Variants in TMPRSS11F observed in about 807,000 individuals in gnomAD.
The protein encoded by TMPRSS11F is transmembrane protease serine 11F.
In TMPRSS11F, 47 loss-of-function variants were observed where a neutral mutation model predicts 60.2. The observed-to-expected ratio is 0.78, with a 90% CI of 0.62 to 1.00. The LOEUF (loss-of-function observed/expected upper bound fraction) is 1.00. Ranked by LOEUF, TMPRSS11F falls within the 50% of genes least tolerant of loss-of-function variation. The probability of loss-of-function intolerance (pLI) is 0.00; values close to 1 mark genes in which losing one functional copy is unlikely to be tolerated. For synonymous variants in TMPRSS11F, 166 were observed against 167.3 expected (o/e 0.99, Z 0.06); for missense variants, 519 against 522.9 (o/e 0.99, Z 0.07).
chr4:68,116,035 TA>T (rs999534192), intron 1 of TMPRSS11F, among the ~76,000 whole-genome samples: 2 of 152,152 alleles, frequency 1.3e-5, no homozygotes, highest in African/African-American at 2.4e-5. Context: ...TTGGCTTTTC[TA>T]GGTCATTTGC....
intron 9 of TMPRSS11F, among the ~76,000 whole-genome samples, chr4:68,055,222 T>C (rs1035983450): frequency 6.6e-6 from 1 of 152,196 alleles, no homozygotes; most frequent in East Asian, 1.9e-4. Context: ...CTCATAGGTC[T>C]TGTTTAGAAG....
At chr4:68,069,900 C>A in intron 6 of TMPRSS11F, 69 bp downstream of exon 6, 1 of 1,376,512 alleles carries the variant, frequency 7.3e-7, no homozygotes, top group Non-Finnish European at 9.8e-7. Flanking sequence ...TTACTGCCAA[C>A]TTTTCTATAA....
intron 1 of TMPRSS11F, among the ~76,000 whole-genome samples, chr4:68,107,667 C>T (rs1430880123): frequency 6.6e-6 from 1 of 152,036 alleles, no homozygotes; most frequent in Non-Finnish European, 1.5e-5. Context: ...CAGCAGGCCA[C>T]AATAAGAACC....
In TMPRSS11F at chr4:68,115,289, G is replaced by A. The variant is rs533233624; in HGVS notation, c.11+14521C>T. Among the ~76,000 whole-genome samples, 406 of 149,354 alleles carry A rather than the reference G, an allele frequency of 2.7e-3. 4 individuals are homozygous for A. Among genetic ancestry groups the A allele is most frequent in the African/African-American group, 9.1e-3 (368 of 40,650 alleles). On this transcript the variant is annotated intron_variant, in intron 1 of 9. Transcript: ENST00000356291. ...GGAGAATGGTGTGAACCCAGGAGGC[G>A]GAGCTGGCAGCAAGCCGAGATCGCA...
chr4:68,101,565 T>G (rs898010837), intron 1 of TMPRSS11F, among the ~76,000 whole-genome samples: 1 of 152,150 alleles, frequency 6.6e-6, no homozygotes, highest in African/African-American at 2.4e-5. Context: ...AAAAGATTAT[T>G]TAGATGACAT....
At chr4:68,082,051 C>T (rs980704944) in intron 3 of TMPRSS11F, among the ~76,000 whole-genome samples, 1 of 152,068 alleles carries the variant, frequency 6.6e-6, no homozygotes, top group Admixed American at 6.5e-5. Flanking sequence ...TCAAACAGAT[C>T]TCTGGGAGAG....
intron 9 of TMPRSS11F, among the ~76,000 whole-genome samples, chr4:68,058,077 G>A (rs1457712018): frequency 6.6e-6 from 1 of 152,190 alleles, no homozygotes; most frequent in South Asian, 2.1e-4. Flanking sequence ...GCCTAGGCGG[G>A]TGGAGAGTGA....
intron 9 of TMPRSS11F, among the ~76,000 whole-genome samples, chr4:68,058,377 T>C (rs1723088758): frequency 6.6e-6 from 1 of 152,042 alleles, no homozygotes; most frequent in Non-Finnish European, 1.5e-5. Context: ...TAATGGACAG[T>C]GAAATCTAAG....
At chr4:68,066,826 C>T (rs375121057) in intron 7 of TMPRSS11F, among the ~76,000 whole-genome samples, 4 of 149,976 alleles carry the variant, frequency 2.7e-5, no homozygotes, top group Non-Finnish European at 4.4e-5. Flanking sequence ...CCCAGCTACT[C>T]GGGAGGCTGA....
intron 1 of TMPRSS11F, among the ~76,000 whole-genome samples, chr4:68,111,824 A>G (rs926022429): frequency 6.6e-6 from 1 of 152,184 alleles, no homozygotes; most frequent in African/African-American, 2.4e-5. Flanking sequence ...GGTAAATTTG[A>G]CAAGTATTGG....
At chr4:68,099,095 G>A in intron 1 of TMPRSS11F, 57 bp from the exon 2 acceptor site, 2 of 1,440,906 alleles carry the variant, frequency 1.4e-6, no homozygotes, top group Non-Finnish European at 1.9e-6. Context: ...TCAACTTTAT[G>A]TTTACTTACT....
intron 3 of TMPRSS11F, among the ~76,000 whole-genome samples, chr4:68,086,747 C>T (rs1036978390): frequency 3.3e-5 from 5 of 151,054 alleles, no homozygotes; most frequent in Non-Finnish European, 5.9e-5. Flanking sequence ...ATGAACACCC[C>T]TATGCATGTA....
At chr4:68,124,797 G>A (rs1430920335) in intron 1 of TMPRSS11F, among the ~76,000 whole-genome samples, 2 of 151,912 alleles carry the variant, frequency 1.3e-5, no homozygotes, top group Non-Finnish European at 2.9e-5. Context: ...ATAGTATCTA[G>A]ACACACCCTA....
intron 2 of TMPRSS11F, among the ~76,000 whole-genome samples, chr4:68,096,241 A>T (rs533973914): frequency 6.6e-6 from 1 of 152,332 alleles, no homozygotes; most frequent in Non-Finnish European, 1.5e-5. Flanking sequence ...ATGTTCAAAT[A>T]CGATTTCGTT....
At position 68,072,621 on chromosome 4, in the gene TMPRSS11F, T is replaced by A. The variant is rs1016168808; in HGVS notation, c.351-135A>T. 12 of 515,068 alleles carry A rather than the reference T, an allele frequency of 2.3e-5. No homozygotes were observed. The African/African-American group carries it at 2.4e-4, about 10-fold the overall frequency. 31.9% of individuals were successfully genotyped at this position (515,068 alleles called of 1,614,324 possible). ...ACCAGATTTTTAAATTATCTCTGGATACAGAGATTAAAAATGAGTGTATAA... is the reference window on the plus strand; with the variant it reads ...ACCAGATTTTTAAATTATCTCTGGAAACAGAGATTAAAAATGAGTGTATAA... On this transcript the variant is annotated intron_variant, in intron 4 of 9. Transcript: ENST00000356291.
chr4:68,118,721 A>T (rs2109887058), intron 1 of TMPRSS11F, among the ~76,000 whole-genome samples: 1 of 152,334 alleles, frequency 6.6e-6, no homozygotes, highest in South Asian at 2.1e-4. Flanking sequence ...AAAAATTTAT[A>T]TGTAAACAAT....
rs1272198878 is a variant in TMPRSS11F, at chr4:68,068,701, G to T, written c.672C>A (p.Leu224=). 7 of 1,614,202 alleles carry T rather than the reference G, an allele frequency of 4.3e-6. No homozygotes were observed. Among genetic ancestry groups the T allele is most frequent in the Non-Finnish European group, 5.9e-6 (7 of 1,180,040 alleles). The change falls in exon 7 of 10, where the codon CTC becomes CTA. Residue 224 remains leucine, a synonymous_variant. Transcript: ENST00000356291. ...MEGEWPWQAS[L]QLIGSGHQCG... is the part of the protein sequence containing the mutation. ...ACTGATGGCCTGACCCTATGAGCTG[G>T]AGGCTGGCCTGCCATGGCCATTCCC... is the stretch of plus-strand genomic sequence containing the variant.
At position 68,065,793 on chromosome 4, in the gene TMPRSS11F, T is replaced by A. The variant is rs557450914; in HGVS notation, c.756-849A>T. Among the ~76,000 whole-genome samples, 3 of 148,568 alleles carry A rather than the reference T, an allele frequency of 2.0e-5. No homozygotes were observed. In the East Asian group the frequency reaches 5.9e-4, roughly 29 times the overall value. On this transcript the variant is annotated intron_variant, in intron 7 of 9. Transcript: ENST00000356291. ...AAAAAAAAAAAACCTGAAAGATCAG[T>A]GGTTTCCTAAGTGCTGCACTGCCCT...
At chr4:68,080,424 T>C (rs1169932020) in intron 3 of TMPRSS11F, 3 of 152,214 alleles carry the variant, frequency 2.0e-5, no homozygotes, top group African/African-American at 7.2e-5. Context: ...TGGGGAGGTG[T>C]ACCCATACCC....
Sources: gnomAD v4.1 joint callset for allele counts (sites outside exome capture counted in the v4.1 genomes callset) on GRCh38, gnomAD v4.1.1 for gene constraint, MANE v1.5 for transcripts, NCBI Gene and HGNC (gene_info 2026-07-23, HGNC 2026-07-21) for gene names.